HEATR1: variants seen among roughly 807,000 people sequenced by gnomAD.
HEATR1 encodes the protein HEAT repeat containing 1, also known as HEAT repeat-containing protein 1.
Under a neutral mutation model 248.2 loss-of-function variants are expected in HEATR1, and 77 were observed. The ratio of observed to expected loss-of-function variants is 0.31; its 90% CI spans 0.26 to 0.37. The LOEUF (loss-of-function observed/expected upper bound fraction) is 0.37. Among genes scored for constraint, HEATR1 ranks in the 10% least tolerant of loss-of-function variants. HEATR1 has a pLI of 1.00. For synonymous variants in HEATR1, 897 were observed against 923.1 expected (o/e 0.97, Z 0.51); for missense variants, 2,420 against 2,504.9 (o/e 0.97, Z 0.72).
In HEATR1 at chr1:236,551,979, G is replaced by A. The variant is rs750543395; in HGVS notation, c.6346+20C>T. The A allele has an allele frequency of 4.9e-6, 7 of 1,425,320 alleles. No individual in the cohort carries two copies. Among genetic ancestry groups the A allele is most frequent in the Non-Finnish European group, 6.9e-6 (7 of 1,010,546 alleles). 88.3% of individuals were successfully genotyped at this position (1,425,320 alleles called of 1,614,324 possible). A position where few individuals can be genotyped will look rare whatever the true frequency, so the allele number is the denominator to read the frequency against. Reference sequence around the variant, plus strand: ...ATTATTCCTTAATTGTTTAATGGTTGGGAATAGTTTGGGAATTACCTTCCA... The same window carrying A: ...ATTATTCCTTAATTGTTTAATGGTTAGGAATAGTTTGGGAATTACCTTCCA... On this transcript the variant is annotated intron_variant, in intron 44 of 44. Transcript: ENST00000366582.
intron 20 of HEATR1, among the ~76,000 whole-genome samples, chr1:236,579,729 A>G (rs1464153091): frequency 7.2e-5 from 11 of 152,190 alleles, no homozygotes; most frequent in African/African-American, 2.7e-4. Flanking sequence ...ATAAAAAATT[A>G]CTTTTGTGGA....
chr1:236,574,002 A>T, intron 24 of HEATR1, 200 bp downstream of exon 24: 1 of 408,892 alleles, frequency 2.4e-6, no homozygotes, highest in Non-Finnish European at 4.3e-6. Context: ...TTATCAACAA[A>T]TACTTCATAA....
intron 32 of HEATR1, among the ~76,000 whole-genome samples, chr1:236,563,427 G>A (rs538775144): frequency 2.0e-5 from 3 of 151,956 alleles, no homozygotes; most frequent in East Asian, 3.9e-4. Flanking sequence ...GACTACAGGC[G>A]CCCACCACCA....
chr1:236,599,517 G>A lies in HEATR1; in HGVS notation c.467C>T (p.Ser156Leu). Residue 156 changes from serine (S) to leucine (L), a missense_variant, in exon 4 of 45, where the codon TCA becomes TTA. Physicochemically the swap from Ser to Leu is moderately radical, Grantham distance 145. Transcript: ENST00000366582. ...RVIQLLKINNSKHRWFWLLPV... is the reference protein window; with the variant it reads ...RVIQLLKINNLKHRWFWLLPV... ...CAACAACCAGAACCATCTGTGCTTTGAATTATTAATTTTTAGAAGCTGTAT... is the reference window on the plus strand; with the variant it reads ...CAACAACCAGAACCATCTGTGCTTTAAATTATTAATTTTTAGAAGCTGTAT... The A allele has an allele frequency of 6.2e-7, 1 of 1,613,620 alleles. No individual in the cohort carries two copies. The highest frequency in any genetic ancestry group is 8.5e-7 in the Non-Finnish European group (1 of 1,179,780).
intron 3 of HEATR1, 108 bp from the exon 4 acceptor site, chr1:236,599,732 GAGT>G (rs1664267921): frequency 2.0e-6 from 2 of 1,021,800 alleles, no homozygotes; most frequent in African/African-American, 1.6e-5. Context: ...AACCTAGAAC[GAGT>G]AGCAGTAAAA....
At chr1:236,562,724 A>C (rs915072329) in intron 32 of HEATR1, among the ~76,000 whole-genome samples, 3 of 149,754 alleles carry the variant, frequency 2.0e-5, no homozygotes, top group African/African-American at 7.4e-5. Flanking sequence ...TGCCACCTTT[A>C]AATAGTGAGG....
Position 236,550,024 on chromosome 1 carries a change from CT to C in HEATR1, c.*877del. ...CATTCTACGGGATGTTCTTAGATGC[CT>C]TTAAAAAGGGGGCAGATCTAATTTT... On this transcript the variant is annotated 3_prime_UTR_variant, in exon 45 of 45. Transcript: ENST00000366582. The C allele has an allele frequency of 6.6e-6, 1 of 152,220 alleles. No homozygotes were observed. The highest frequency in any genetic ancestry group is 2.4e-5 in the African/African-American group (1 of 41,532). The allele number at this position is 152,220 out of a possible 1,614,324, so 9.4% of individuals were successfully genotyped here.
chr1:236,584,170 A>G (rs535296999), intron 17 of HEATR1, among the ~76,000 whole-genome samples: 1 of 152,352 alleles, frequency 6.6e-6, no homozygotes, highest in African/African-American at 2.4e-5. Context: ...AAGTAAAGCA[A>G]TATAAAATAA....
chr1:236,582,855 G>A lies in HEATR1; in HGVS notation c.2443C>T (p.Pro815Ser). 8 of 1,614,072 alleles carry A rather than the reference G, an allele frequency of 5.0e-6. No homozygotes were observed. The highest frequency in any genetic ancestry group is 6.8e-6 in the Non-Finnish European group (8 of 1,179,968). The change falls in exon 19 of 45, where the codon CCT becomes TCT. Residue 815 changes from proline to serine, a missense_variant. Physicochemically the swap from Pro to Ser is moderately conservative, Grantham distance 74. Transcript: ENST00000366582. The stretch of plus-strand genomic sequence containing the variant: ...CTGCTGTCTTCTTTCAGTTGTTCAG[G>A]ATTCCACCATATATCACCTACAAGG... ...SFPKGDIWWN[P>S]EQLKEDSRDY...
intron 44 of HEATR1, 61 bp from the exon 45 acceptor site, chr1:236,551,051 C>T: frequency 7.6e-7 from 1 of 1,313,096 alleles, no homozygotes; most frequent in African/African-American, 1.5e-5. Flanking sequence ...CCTCGGTTCT[C>T]ATTAGTTTAA....
In HEATR1 at chr1:236,555,308, T is replaced by C. The variant is rs1321561173; in HGVS notation, c.5911A>G (p.Ile1971Val). 1.2e-6 allele frequency: 2 copies of C among 1,613,994 alleles called. No individual in the cohort carries two copies. Among genetic ancestry groups the C allele is most frequent in the African/African-American group, 2.7e-5 (2 of 74,906 alleles). Residue 1971 changes from isoleucine (I) to valine (V), a missense_variant, in exon 41 of 45, where the codon ATC becomes GTC. Physicochemically the swap from Ile to Val is conservative, Grantham distance 29 (BLOSUM62 3). Transcript: ENST00000366582. ...AGCGACCACCCACCTGTTTTGGAGA[T>C]GTTCACCTGGTTCAAGGTGTCAGCA... ...PFADTLNQVN[I>V]SKTDEAFFDS...
At chr1:236,583,335 T>C (rs1663803951) in intron 17 of HEATR1, 139 bp from the exon 18 acceptor site, 4 of 656,200 alleles carry the variant, frequency 6.1e-6, no homozygotes, top group Non-Finnish European at 1.0e-5. Context: ...ACTGCTTTGG[T>C]CGGATTTTTA....
In HEATR1 at chr1:236,561,229, C is replaced by T. The variant is rs143058283; in HGVS notation, c.4642G>A (p.Glu1548Lys). ...GAAAAAGAAAAGGAAACATACCTCT[C>T]TTCAAGGCCTTTTAAAATCTCAGGA... ...GGPEILKGLE[E>K]RLLETVLGYI... Residue 1548 changes from glutamate (E) to lysine (K), a missense_variant, in exon 33 of 45, where the codon GAG becomes AAG. Glu to Lys is a moderately conservative substitution (Grantham distance 56). Transcript: ENST00000366582. 8.0e-4 allele frequency: 1,290 copies of T among 1,606,438 alleles called. No individual in the cohort carries two copies. The highest frequency in any genetic ancestry group is 9.9e-4 in the Middle Eastern group (6 of 6,064).
rs894760080 is a variant in HEATR1, at chr1:236,572,430, G to A, written c.3688C>T (p.Leu1230Phe). The change falls in exon 26 of 45, where the codon CTT becomes TTT. Residue 1230 changes from leucine to phenylalanine, a missense_variant. By Grantham distance (22) the Leu-to-Phe change is conservative (BLOSUM62 0). Transcript: ENST00000366582. ...LRSPQILVPT[L>F]FNLLSRCLEP... is the part of the protein sequence containing the mutation. ...CATTACCTTGATAGCAAGTTAAAAA[G>A]AGTTGGCACCAATATCTGAGGACTT... The A allele has an allele frequency of 1.9e-6, 3 of 1,613,948 alleles. No individual in the cohort carries two copies. The Admixed American group carries it at 5.0e-5, about 27-fold the overall frequency.
Position 236,566,642 on chromosome 1 carries a change from T to C in HEATR1, c.4308+4A>G. On this transcript the variant is annotated splice_donor_region_variant and intron_variant, in intron 30 of 44. Transcript: ENST00000366582. ...TTCCTTATCTTCCCACCCTAGGTTC[T>C]GACCTTTTCGCCATAGGCAGCCGCC... 1 of 1,604,094 alleles carries C rather than the reference T, an allele frequency of 6.2e-7. No homozygotes were observed. The highest frequency in any genetic ancestry group is 8.5e-7 in the Non-Finnish European group (1 of 1,171,256).
chr1:236,549,142 T>C lies in HEATR1; in HGVS notation c.*1760A>G. 2.5e-6 allele frequency: 1 copy of C among 396,614 alleles called. No homozygotes were observed. Among genetic ancestry groups the C allele is most frequent in the Non-Finnish European group, 4.4e-6 (1 of 225,230 alleles). The allele number at this position is 396,614 out of a possible 1,614,324, so 24.6% of individuals were successfully genotyped here. The stretch of plus-strand genomic sequence containing the variant: ...GGCAGAGGTAATGCAGAAATCTGTT[T>C]TGTTCCCATGAAATCACCAATCAAG... On this transcript the variant is annotated 3_prime_UTR_variant, in exon 45 of 45. Coordinates refer to ENST00000366582, the MANE Select transcript of HEATR1 (RefSeq NM_018072.6).
chr1:236,557,227 T>C lies in HEATR1; in HGVS notation c.5323A>G (p.Ile1775Val), dbSNP rs763874754. The C allele has an allele frequency of 1.2e-6, 2 of 1,614,112 alleles. No homozygotes were observed. Among genetic ancestry groups the C allele is most frequent in the Admixed American group, 3.3e-5 (2 of 60,016 alleles). Residue 1775 changes from isoleucine to valine, a missense_variant, in exon 37 of 45, where the codon ATC becomes GTC. Transcript: ENST00000366582. The part of the protein sequence containing the change: ...QKVVETLPHF[I>V]SPYLEGILSQ... ...AGAATGCCTTCCAGATAGGGGCTGA[T>C]GAAGTGCGGGAGAGTCTCCACAACC... is the stretch of plus-strand genomic sequence containing the variant.
chr1:236,584,959 G>C (rs1663844441), intron 17 of HEATR1, 66 bp downstream of exon 17: 1 of 1,383,790 alleles, frequency 7.2e-7, no homozygotes, highest in Non-Finnish European at 9.9e-7. Flanking sequence ...CAGTTTTGCT[G>C]TGACTAATAG....
Position 236,595,577 on chromosome 1 carries a change from A to C in HEATR1, c.1053T>G (p.Leu351=). The C allele has an allele frequency of 6.2e-7, 1 of 1,611,802 alleles. No homozygotes were observed. The part of the protein sequence containing the change: ...YDVSPLLHYM[L]PHLVVSIIHH... Reference sequence around the variant, plus strand: ...GAATGATGGAGACGACCAGATGGGGAAGCATGTAATGCAGAAGAGGACTGA... The same window carrying C: ...GAATGATGGAGACGACCAGATGGGGCAGCATGTAATGCAGAAGAGGACTGA... Residue 351 remains leucine (L), a synonymous_variant, in exon 8 of 45, where the codon CTT becomes CTG. Coordinates refer to ENST00000366582, the MANE Select transcript of HEATR1 (RefSeq NM_018072.6).
Sources: gnomAD v4.1 joint callset for allele counts (sites outside exome capture counted in the v4.1 genomes callset) on GRCh38, gnomAD v4.1.1 for gene constraint, MANE v1.5 for transcripts, NCBI Gene and HGNC (gene_info 2026-07-23, HGNC 2026-07-21) for gene names.